The following PRKN variants were observed in gnomAD, a reference collection of about 807,000 sequenced individuals.
PRKN encodes parkin RBR E3 ubiquitin protein ligase.
A neutral mutation model predicts 59.5 loss-of-function variants in PRKN; 56 were observed. The ratio of observed to expected loss-of-function variants is 0.94; its 90% CI spans 0.76 to 1.18. The LOEUF (loss-of-function observed/expected upper bound fraction) is 1.18, where lower values mean the gene tolerates loss of function less well. PRKN is among the 50% of genes most tolerant of loss of function. PRKN has a pLI of 0.00. For missense variants in PRKN, 657 were observed against 596.4 expected (o/e 1.10, Z -1.06); for synonymous variants, 250 against 222.1 (o/e 1.13, Z -1.12).
rs1157869174 is a variant in PRKN at position 161,407,463 on chromosome 6, T to G, written c.1084-20586A>C. Among the ~76,000 whole-genome samples the G allele has an allele frequency of 6.6e-6, 1 of 152,116 alleles. No homozygotes were observed. Among genetic ancestry groups the G allele is most frequent in the Non-Finnish European group, 1.5e-5 (1 of 68,016 alleles). On this transcript the variant is annotated intron_variant, in intron 9 of 11. Transcript: ENST00000366898. The surrounding 1 kb of genome is among the most constrained non-coding windows in gnomAD (Gnocchi z 4.9). ...ATTAATGGTAAAAAGCACCTTCAAT[T>G]TAATAGTGGCTTGACCAAAGAAAGA...
At chr6:161,567,037 T>TTTTTGTGTG (rs548743646) in intron 8 of PRKN, among the ~76,000 whole-genome samples, 23 of 103,764 alleles carry the variant, frequency 2.2e-4, no homozygotes, top group Admixed American at 4.8e-4. Context: ...TTTTTTTTTT[T>TTTTTGTGTG]TGTGTGTGTG....
At position 161,369,845 on chromosome 6, in the gene PRKN, G is replaced by C. The variant is rs916217594; in HGVS notation, c.1168-9640C>G. 1.5e-5 allele frequency: 4 copies of C among 270,950 alleles called. No homozygotes were observed. The highest frequency in any genetic ancestry group is 7.2e-5 in the South Asian group (2 of 27,690). 16.8% of individuals were successfully genotyped at this position (270,950 alleles called of 1,614,324 possible). A position where few individuals can be genotyped will look rare whatever the true frequency, so the allele number is the denominator to read the frequency against. On this transcript the variant is annotated intron_variant, in intron 10 of 11. Coordinates refer to ENST00000366898, the MANE Select transcript of PRKN (RefSeq NM_004562.3). The surrounding 1 kb of genome is among the most constrained non-coding windows in gnomAD (Gnocchi z 5.8). ...AATATATTTCATATACATATAGAGA[G>C]AGACAGAGAGAATCAAAATTCCCTC...
At chr6:161,922,423 A>G (rs1250358214) in intron 6 of PRKN, among the ~76,000 whole-genome samples, 2 of 152,190 alleles carry the variant, frequency 1.3e-5, no homozygotes, top group Non-Finnish European at 2.9e-5. Flanking sequence ...CATGCAAACA[A>G]ATATTAGTTT....
Position 161,548,951 on chromosome 6 carries a change from C to A in PRKN, c.986G>T (p.Gly329Val). The part of the protein sequence containing the change: ...GAEECVLQMG[G>V]VLCPRPGCGA... Reference sequence around the variant, plus strand: ...ACAGCCAGGGCGGGGGCATAACACGCCCCCCATCTGCAGGACACACTCCTC... The same window carrying A: ...ACAGCCAGGGCGGGGGCATAACACGACCCCCATCTGCAGGACACACTCCTC... The change falls in exon 9 of 12, where the codon GGC (glycine) becomes GTC (valine). Residue 329 changes from glycine (G) to valine (V), a missense_variant. Gly to Val is a moderately radical substitution (Grantham distance 109). Coordinates refer to ENST00000366898, the MANE Select transcript of PRKN (RefSeq NM_004562.3). The surrounding 1 kb of genome is among the most constrained non-coding windows in gnomAD (Gnocchi z 4.2). 6.2e-7 allele frequency: 1 copy of A among 1,614,052 alleles called. No homozygotes were observed. Among genetic ancestry groups the A allele is most frequent in the Admixed American group, 1.7e-5 (1 of 60,016 alleles).
intron 6 of PRKN, among the ~76,000 whole-genome samples, chr6:161,836,741 C>T (rs889239532): frequency 6.6e-6 from 1 of 152,166 alleles, no homozygotes; most frequent in African/African-American, 2.4e-5. Context: ...AGCCCCTCGT[C>T]CACCCTGGCC....
intron 1 of PRKN, among the ~76,000 whole-genome samples, chr6:162,510,919 T>C (rs1777583354): frequency 6.6e-6 from 1 of 151,376 alleles, no homozygotes; most frequent in Non-Finnish European, 1.5e-5. Context: ...CGAGACTCAG[T>C]CTCAAAAACA....
rs7775393 is a variant in PRKN, at chr6:162,418,596, A to G, written c.171+24714T>C. ...ATGTAGGCTCCACGAAAAAGTGATG[A>G]AGAGAGAGGGACAGACAGTGTGTGT... On this transcript the variant is annotated intron_variant, in intron 2 of 11. Transcript: ENST00000366898. Among the ~76,000 whole-genome samples the G allele has an allele frequency of 4.7e-3, 532 of 113,352 alleles. 5 individuals carry two copies. The highest frequency in any genetic ancestry group is 0.019 in the African/African-American group (511 of 27,390). The allele number at this position is 113,352 out of a possible 152,430, so 74.4% of individuals were successfully genotyped here.
At chr6:162,161,228 C>G (rs1782743384) in intron 4 of PRKN, among the ~76,000 whole-genome samples, 1 of 152,140 alleles carries the variant, frequency 6.6e-6, no homozygotes, top group Non-Finnish European at 1.5e-5. Flanking sequence ...GATGCGATCC[C>G]CAGAAATCTA....
chr6:162,199,119 G>T (rs140738754), intron 4 of PRKN, among the ~76,000 whole-genome samples: 2 of 151,410 alleles, frequency 1.3e-5, no homozygotes, highest in African/African-American at 4.9e-5. Context: ...TGTCCTCACC[G>T]CCCCCTACTG....
intron 1 of PRKN, among the ~76,000 whole-genome samples, chr6:162,562,361 A>T (rs1384882451): frequency 3.9e-5 from 6 of 152,122 alleles, no homozygotes; most frequent in Non-Finnish European, 7.4e-5. Flanking sequence ...GTACCAGCAC[A>T]GCTACTGGGG....
chr6:162,285,052 G>C (rs1301045331), intron 2 of PRKN, among the ~76,000 whole-genome samples: 1 of 152,106 alleles, frequency 6.6e-6, no homozygotes, highest in Non-Finnish European at 1.5e-5. Context: ...ACACGGAGAA[G>C]ACATCTGTAA....
chr6:162,572,648 T>C (rs10080853), intron 1 of PRKN, among the ~76,000 whole-genome samples: 34,027 of 151,980 alleles, frequency 0.22, 4,542 homozygotes, highest in African/African-American at 0.37. Context: ...CTACAAAATG[T>C]CCTACCAGGG....
intron 5 of PRKN, among the ~76,000 whole-genome samples, chr6:161,977,710 G>T (rs763385384): frequency 3.3e-5 from 5 of 151,574 alleles, no homozygotes; most frequent in Non-Finnish European, 5.9e-5. Context: ...ACCACGCCCG[G>T]CTACTTTTTT....
At chr6:161,943,651 A>T (rs776226043) in intron 6 of PRKN, among the ~76,000 whole-genome samples, 6 of 151,996 alleles carry the variant, frequency 3.9e-5, no homozygotes, top group Non-Finnish European at 7.4e-5. Flanking sequence ...ACCCTGAGGG[A>T]TCAGCCTTGA....
chr6:161,583,966 T>C (rs1170314113), intron 7 of PRKN, among the ~76,000 whole-genome samples: 1 of 152,192 alleles, frequency 6.6e-6, no homozygotes, highest in Admixed American at 6.5e-5. Context: ...TATCGTTCCA[T>C]TTAACATTTC....
intron 5 of PRKN, among the ~76,000 whole-genome samples, chr6:162,045,854 G>A (rs1056346033): frequency 2.6e-5 from 4 of 152,124 alleles, no homozygotes; most frequent in Non-Finnish European, 5.9e-5. Context: ...AGGCTCCTGT[G>A]TATCTGCACT....
intron 6 of PRKN, among the ~76,000 whole-genome samples, chr6:161,793,458 T>A (rs1275913369): frequency 6.6e-6 from 1 of 152,032 alleles, no homozygotes; most frequent in Non-Finnish European, 1.5e-5. Flanking sequence ...GTAGCCAAGG[T>A]AAAATTCATT....
chr6:162,410,371 T>C (rs1466609098), intron 2 of PRKN, among the ~76,000 whole-genome samples: 3 of 152,022 alleles, frequency 2.0e-5, no homozygotes, highest in Non-Finnish European at 2.9e-5. Flanking sequence ...CCTAAAAGCA[T>C]ATCCAAAAAA....
At chr6:161,946,381 G>A (rs1779773141) in intron 6 of PRKN, among the ~76,000 whole-genome samples, 1 of 96,868 alleles carries the variant, frequency 1.0e-5, no homozygotes, top group South Asian at 3.7e-4. Context: ...CAAATTGCAT[G>A]CACATCACAC....
Sources: allele counts gnomAD v4.1 joint callset (sites outside exome capture counted in the v4.1 genomes callset), GRCh38; gene constraint gnomAD v4.1.1; non-coding constraint Gnocchi (gnomAD v3.1); transcripts MANE v1.5; gene names NCBI Gene and HGNC (gene_info 2026-07-23, HGNC 2026-07-21).